The following SNX29 variants were observed in gnomAD, a reference collection of about 807,000 sequenced individuals.
SNX29 encodes sorting nexin-29.
In SNX29, 78 loss-of-function variants were observed where a neutral mutation model predicts 102.1. The observed-to-expected ratio is 0.76, with a 90% confidence interval of 0.64 to 0.92. SNX29 has a LOEUF of 0.92. Ranked by LOEUF, SNX29 falls within the 40% of genes least tolerant of loss-of-function variation. SNX29 has a pLI of 0.00. For synonymous variants in SNX29, 580 were observed against 414.5 expected (o/e 1.40, Z -4.85); for missense variants, 1,280 against 1,061.7 (o/e 1.21, Z -2.86).
intron 19 of SNX29, among the ~76,000 whole-genome samples, chr16:12,499,942 G>T (rs2089029076): frequency 6.6e-6 from 1 of 152,146 alleles, no homozygotes; most frequent in Non-Finnish European, 1.5e-5. Context: ...CTCACAAAGT[G>T]CTAGGATTAC....
chr16:12,040,398 A>G (rs1253161024), intron 4 of SNX29, among the ~76,000 whole-genome samples: 1 of 152,194 alleles, frequency 6.6e-6, no homozygotes, highest in African/African-American at 2.4e-5. Flanking sequence ...TAAAATGTAT[A>G]TAACAAATTT....
intron 20 of SNX29, among the ~76,000 whole-genome samples, chr16:12,525,405 G>T (rs1170959464): frequency 6.6e-6 from 1 of 152,214 alleles, no homozygotes; most frequent in Non-Finnish European, 1.5e-5. Context: ...GGGCACGGTG[G>T]CTCACGCCTG....
chr16:12,001,061 C>G (rs1255577079), intron 2 of SNX29, among the ~76,000 whole-genome samples: 1 of 152,172 alleles, frequency 6.6e-6, no homozygotes, highest in East Asian at 1.9e-4. Flanking sequence ...GCAAGTTGAA[C>G]TACTTTAAAG....
At chr16:12,308,990 A>G (rs1235791851) in intron 15 of SNX29, among the ~76,000 whole-genome samples, 2 of 152,234 alleles carry the variant, frequency 1.3e-5, no homozygotes, top group African/African-American at 4.8e-5. Context: ...TGGTTATGGC[A>G]GAGACTGTTA....
At chr16:12,292,799 C>G (rs1340343594) in intron 15 of SNX29, among the ~76,000 whole-genome samples, 1 of 152,174 alleles carries the variant, frequency 6.6e-6, no homozygotes, top group Non-Finnish European at 1.5e-5. Flanking sequence ...CCTTCTGTTG[C>G]CTCCCTGTTC....
intron 20 of SNX29, among the ~76,000 whole-genome samples, chr16:12,542,995 C>T (rs904282797): frequency 4.6e-5 from 7 of 152,054 alleles, no homozygotes; most frequent in Admixed American, 6.6e-5. Context: ...CTATGAAGTC[C>T]AGGGACTTGG....
chr16:12,457,374 A>C (rs546175851), intron 18 of SNX29, among the ~76,000 whole-genome samples: 1 of 152,290 alleles, frequency 6.6e-6, no homozygotes, highest in South Asian at 2.1e-4. Flanking sequence ...CACAGCCTGC[A>C]CTTTAACCTC....
intron 10 of SNX29, 81 bp downstream of exon 10, chr16:12,069,213 G>C (rs1252127947): frequency 5.9e-6 from 7 of 1,190,288 alleles, no homozygotes; most frequent in Non-Finnish European, 7.3e-6. Context: ...TTTAAAGATA[G>C]GAGTGCACCT....
Position 12,027,404 on chromosome 16 carries a change from G to C in SNX29, c.207G>C (p.Ala69=). 1 of 1,614,082 alleles carries C rather than the reference G, an allele frequency of 6.2e-7. No individual in the cohort carries two copies. Among genetic ancestry groups the C allele is most frequent in the Non-Finnish European group, 8.5e-7 (1 of 1,179,994 alleles). The change falls in exon 4 of 21, where the codon GCG becomes GCC. Residue 69 remains alanine, a synonymous_variant. Coordinates refer to ENST00000566228, the MANE Select transcript of SNX29 (RefSeq NM_032167.5). The part of the protein sequence containing the change: ...RSRGLALTAA[A]IKQAAGFASK... The stretch of plus-strand genomic sequence containing the variant: ...GAGGATTGGCACTCACAGCGGCAGC[G>C]ATCAAGCAGGCAGCGGGCTTTGCCA...
At chr16:12,230,633 T>G (rs772402121) in intron 14 of SNX29, among the ~76,000 whole-genome samples, 12 of 152,200 alleles carry the variant, frequency 7.9e-5, no homozygotes, top group Non-Finnish European at 1.6e-4. Context: ...TTTTAACGAA[T>G]GAGCAGATGG....
chr16:12,114,469 C>T (rs4781183), intron 11 of SNX29, among the ~76,000 whole-genome samples: 71,961 of 151,990 alleles, frequency 0.47, 17,640 homozygotes, highest in East Asian at 0.63. Flanking sequence ...CCCTGGCCTC[C>T]TCATTCTGAG....
At chr16:12,211,420 T>G (rs570268639) in intron 14 of SNX29, among the ~76,000 whole-genome samples, 4 of 152,284 alleles carry the variant, frequency 2.6e-5, no homozygotes, top group Admixed American at 6.5e-5. Flanking sequence ...TCCCTGCAGC[T>G]TTTTTCCTTC....
In SNX29 at chr16:12,511,504, C is replaced by T. The variant is rs538866698; in HGVS notation, c.2179-13198C>T. 2.6e-5 allele frequency among the ~76,000 whole-genome samples: 4 copies of T among 152,264 alleles called. No individual in the cohort carries two copies. The East Asian group carries it at 5.8e-4, about 22-fold the overall frequency. ...GGTCCTATTATTGTTACGAGAAACA[C>T]GTGTGAGGAGAGTGTAACTGGGCCT... On this transcript the variant is annotated intron_variant, in intron 19 of 20. Transcript: ENST00000566228.
chr16:12,474,678 A>G (rs2087508306), intron 18 of SNX29, among the ~76,000 whole-genome samples: 2 of 152,206 alleles, frequency 1.3e-5, no homozygotes, highest in Admixed American at 1.3e-4. Context: ...ATTGGTATTC[A>G]CTGATTCAAA....
At chr16:12,461,463 C>G (rs932913510) in intron 18 of SNX29, among the ~76,000 whole-genome samples, 1 of 152,184 alleles carries the variant, frequency 6.6e-6, no homozygotes, top group East Asian at 1.9e-4. Context: ...TTCACTCCTT[C>G]TCTCCAAGAC....
Position 12,125,603 on chromosome 16 carries a change from CTCTTTTTTTTTTTTT to C in SNX29, c.1403-1028_1403-1014del, listed in dbSNP as rs1433933355. Among the ~76,000 whole-genome samples, 77 of 71,476 alleles carry C rather than the reference CTCTTTTTTTTTTTTT, an allele frequency of 1.1e-3. 14 individuals carry two copies. The East Asian group carries it at 0.013, about 12-fold the overall frequency. 46.9% of individuals were successfully genotyped at this position (71,476 alleles called of 152,430 possible). A position where few individuals can be genotyped will look rare whatever the true frequency, so the allele number is the denominator to read the frequency against. On this transcript the variant is annotated intron_variant, in intron 11 of 20. Transcript: ENST00000566228. ...CAAGGGGGGCTTGTGGCTGAGATCT[CTCTTTTTTTTTTTTT>C]TTTTTTTTTTTTTTTTTTTTTTTGA...
At chr16:12,506,892 G>A (rs1211058968) in intron 19 of SNX29, among the ~76,000 whole-genome samples, 1 of 148,414 alleles carries the variant, frequency 6.7e-6, no homozygotes, top group African/African-American at 2.5e-5. Context: ...TGTCCTTAAC[G>A]CAGTGTGTAT....
rs867718465 is a variant in SNX29, at chr16:12,539,005, G to C, written c.2318+14164G>C. On this transcript the variant is annotated intron_variant, in intron 20 of 20. Transcript: ENST00000566228. Reference sequence around the variant, plus strand: ...AGAAGATAGAACAGACCAGTAATTCGAGCCAAAACCATCCATGAATCCAGA... The same window carrying C: ...AGAAGATAGAACAGACCAGTAATTCCAGCCAAAACCATCCATGAATCCAGA... Among the ~76,000 whole-genome samples the C allele has an allele frequency of 7.2e-5, 11 of 152,236 alleles. No homozygotes were observed. The South Asian group carries it at 8.3e-4, about 11-fold the overall frequency.
chr16:12,555,715 T>G (rs754943981), intron 20 of SNX29, among the ~76,000 whole-genome samples: 1 of 152,110 alleles, frequency 6.6e-6, no homozygotes, highest in Non-Finnish European at 1.5e-5. Context: ...TTCTCCCTGA[T>G]TGGCCCTTTC....
Sources: allele counts gnomAD v4.1 joint callset (sites outside exome capture counted in the v4.1 genomes callset), GRCh38; gene constraint gnomAD v4.1.1; transcripts MANE v1.5; gene names NCBI Gene and HGNC (gene_info 2026-07-23, HGNC 2026-07-21).